The following LRRC9 variants were observed in gnomAD, a reference collection of about 807,000 sequenced individuals.
The protein encoded by LRRC9 is leucine rich repeat containing 9.
LRRC9 carries 122 observed loss-of-function variants against 63.2 expected under a neutral mutation model. The ratio of observed to expected loss-of-function variants is 1.93; its 90% CI spans 1.67 to 2.24. LRRC9 has a LOEUF of 2.24. Ranked by LOEUF, LRRC9 falls within the 30% of genes most tolerant of loss-of-function variation. LRRC9 has a pLI of 0.00. For synonymous variants in LRRC9, 366 were observed against 213.1 expected (o/e 1.72, Z -6.25); for missense variants, 1,071 against 627.7 (o/e 1.71, Z -7.55).
intron 8 of LRRC9, 125 bp downstream of exon 8, chr14:59,944,869 C>T (rs1365695964): frequency 1.4e-5 from 4 of 286,968 alleles, no homozygotes; most frequent in Non-Finnish European, 1.7e-5. Context: ...CACACACTCA[C>T]ACACACACAC....
chr14:59,968,449 C>G (rs1255094287), intron 12 of LRRC9, among the ~76,000 whole-genome samples: 1 of 152,096 alleles, frequency 6.6e-6, no homozygotes, highest in Non-Finnish European at 1.5e-5. Context: ...GTATATTTTG[C>G]CACAATAAAA....
exon 3 of LRRC9, chr14:59,928,448 C>G: frequency 1.4e-6 from 1 of 694,264 alleles, no homozygotes; most frequent in Non-Finnish European, 2.6e-6. Context: ...GCCTTGTTTA[C>G]AACTTAAAGA....
intron 8 of LRRC9, among the ~76,000 whole-genome samples, chr14:59,949,838 T>C (rs1387432950): frequency 7.0e-6 from 1 of 143,324 alleles, no homozygotes; most frequent in African/African-American, 2.7e-5. Flanking sequence ...GAGTTCTAGT[T>C]TGATTGCACT....
chr14:60,062,893 T>A (rs900956107), intron 31 of LRRC9, among the ~76,000 whole-genome samples: 17 of 61,600 alleles, frequency 2.8e-4, no homozygotes, highest in African/African-American at 5.5e-4. Context: ...GAGTCCACAG[T>A]ATTTTTTTTT....
chr14:60,027,051 G>T lies in LRRC9; in HGVS notation c.3704-833G>T, dbSNP rs1891613609. Among the ~76,000 whole-genome samples the T allele has an allele frequency of 6.6e-6, 1 of 151,912 alleles. No homozygotes were observed. The highest frequency in any genetic ancestry group is 1.5e-5 in the Non-Finnish European group (1 of 67,950). ...CACAATTCAGCACATAATAATCAAG[G>T]AGAATGAATATTGACTGAAATGTAG... is the stretch of plus-strand genomic sequence containing the variant. On this transcript the variant is annotated intron_variant, in intron 27 of 31. Coordinates refer to ENST00000445360, the Ensembl canonical transcript of LRRC9. The surrounding 1 kb of genome is among the most constrained non-coding windows in gnomAD (Gnocchi z 4.0).
chr14:60,018,145 T>A (rs551844777), intron 24 of LRRC9, among the ~76,000 whole-genome samples: 2 of 152,162 alleles, frequency 1.3e-5, no homozygotes, highest in South Asian at 4.1e-4. Context: ...TGTGTTTTTT[T>A]TGAAAGCAAC....
At chr14:60,050,343 T>A (rs1348391638) in intron 29 of LRRC9, among the ~76,000 whole-genome samples, 1 of 152,212 alleles carries the variant, frequency 6.6e-6, no homozygotes, top group Non-Finnish European at 1.5e-5. Flanking sequence ...ATCCTTTCAC[T>A]GCCTGGTCTA....
chr14:60,014,896 CTAA>C lies in LRRC9; in HGVS notation c.3187-1761_3187-1759del, dbSNP rs1890551113. Among the ~76,000 whole-genome samples, 2 of 152,050 alleles carry C rather than the reference CTAA, an allele frequency of 1.3e-5. 1 individual carries two copies. Among genetic ancestry groups the C allele is most frequent in the South Asian group, 4.1e-4 (2 of 4,834 alleles). ...TTCTTTTTCTATGAATCCAGTGATACTAATATTAAATCTTTTTTATGGTTCCAC... is the reference window on the plus strand; with the variant it reads ...TTCTTTTTCTATGAATCCAGTGATACTATTAAATCTTTTTTATGGTTCCAC... On this transcript the variant is annotated intron_variant, in intron 23 of 31. Transcript: ENST00000445360.
chr14:60,023,958 C>A (rs1380446950), intron 27 of LRRC9, among the ~76,000 whole-genome samples: 2 of 152,166 alleles, frequency 1.3e-5, no homozygotes, highest in East Asian at 1.9e-4. Context: ...ATCCATGTCG[C>A]CACAAAGGAC....
At chr14:60,008,025 A>T in intron 22 of LRRC9, 67 bp from the exon 23 acceptor site, 1 of 490,628 alleles carries the variant, frequency 2.0e-6, no homozygotes, top group Non-Finnish European at 3.6e-6. Flanking sequence ...AAATTTGAGG[A>T]TGGCTAACCT....
rs569037467 is a variant in LRRC9, at chr14:60,060,027, T to C, written c.4276+2005T>C. Among the ~76,000 whole-genome samples the C allele has an allele frequency of 2.1e-4, 32 of 152,236 alleles. No individual in the cohort carries two copies. Among genetic ancestry groups the C allele is most frequent in the Non-Finnish European group, 4.6e-4 (31 of 68,036 alleles). On this transcript the variant is annotated intron_variant, in intron 31 of 31. Transcript: ENST00000445360. The surrounding 1 kb of genome is among the most constrained non-coding windows in gnomAD (Gnocchi z 4.0). Reference sequence around the variant, plus strand: ...ACAGTCTGACTCTCTTGTTAGGGGCTAGTGCAGCTGGTGACTTTAAGTTGA... The same window carrying C: ...ACAGTCTGACTCTCTTGTTAGGGGCCAGTGCAGCTGGTGACTTTAAGTTGA...
exon 5 of LRRC9, chr14:59,931,682 G>A (rs1358979176): frequency 2.9e-6 from 2 of 692,092 alleles, no homozygotes; most frequent in East Asian, 5.4e-5. Flanking sequence ...AAATAGCATT[G>A]GTATGTACTA....
intron 15 of LRRC9, among the ~76,000 whole-genome samples, chr14:59,979,621 T>G (rs1454110176): frequency 1.3e-5 from 2 of 151,568 alleles, no homozygotes; most frequent in Non-Finnish European, 2.9e-5. Context: ...CAAAAAAAAA[T>G]AAAGAAAGAA....
At chr14:59,963,145 G>A (rs1884509176) in intron 10 of LRRC9, among the ~76,000 whole-genome samples, 1 of 152,094 alleles carries the variant, frequency 6.6e-6, no homozygotes, top group African/African-American at 2.4e-5. Flanking sequence ...TAAATAAAAA[G>A]TATTTCAGTA....
Position 59,958,838 on chromosome 14 carries a change from T to C in LRRC9, c.883-980T>C, listed in dbSNP as rs1884070416. Among the ~76,000 whole-genome samples the C allele has an allele frequency of 2.0e-5, 3 of 152,204 alleles. No individual in the cohort carries two copies. The highest frequency in any genetic ancestry group is 2.1e-4 in the South Asian group (1 of 4,834). ...TAACCCGGCTGGGTAGCACAGTCCCTCACAGCTTACCTTGGCTGGGGGAGG... is the reference window on the plus strand; with the variant it reads ...TAACCCGGCTGGGTAGCACAGTCCCCCACAGCTTACCTTGGCTGGGGGAGG... On this transcript the variant is annotated intron_variant, in intron 8 of 31. Coordinates refer to ENST00000445360, the Ensembl canonical transcript of LRRC9. This position sits in a 1 kb window ranked among gnomAD's most constrained non-coding sequence, Gnocchi z 4.0.
chr14:59,944,068 C>T (rs202078852), intron 7 of LRRC9, among the ~76,000 whole-genome samples: 48 of 151,670 alleles, frequency 3.2e-4, no homozygotes, highest in Admixed American at 2.0e-3. Flanking sequence ...TATTAAGGAA[C>T]GCAAGATAAA....
At chr14:60,065,647 CA>C (rs60064309), downstream of LRRC9, among the ~76,000 whole-genome samples, 18,428 of 25,936 alleles carry the variant, frequency 0.71, 7,133 homozygotes, top group East Asian at 0.79. Flanking sequence ...GACTCCCTCT[CA>C]AAAAAAAAAA....
chr14:60,020,965 G>T (rs1891072311), intron 26 of LRRC9, among the ~76,000 whole-genome samples: 1 of 151,876 alleles, frequency 6.6e-6, no homozygotes, highest in African/African-American at 2.4e-5. Context: ...ACAAATATTT[G>T]CATGCACTCA....
chr14:60,060,469 G>C lies in LRRC9; in HGVS notation c.4276+2447G>C, dbSNP rs987301463. 6.6e-6 allele frequency among the ~76,000 whole-genome samples: 1 copy of C among 152,140 alleles called. No homozygotes were observed. The highest frequency in any genetic ancestry group is 2.4e-5 in the African/African-American group (1 of 41,438). ...TAGACAGTGATTCCTAACCGGGCGC[G>C]ATGGCTCACGCTTGTAATCCCAGCA... On this transcript the variant is annotated intron_variant, in intron 31 of 31. Coordinates refer to ENST00000445360, the Ensembl canonical transcript of LRRC9. The surrounding 1 kb of genome is among the most constrained non-coding windows in gnomAD (Gnocchi z 4.0).
Sources: allele counts gnomAD v4.1 joint callset (sites outside exome capture counted in the v4.1 genomes callset), GRCh38; gene constraint gnomAD v4.1.1; non-coding constraint Gnocchi (gnomAD v3.1); transcripts MANE v1.5; gene names NCBI Gene and HGNC (gene_info 2026-07-23, HGNC 2026-07-21).